The following HYLS1 variants were observed in gnomAD, a reference collection of about 807,000 sequenced individuals.
The protein encoded by HYLS1 is centriolar and ciliogenesis-associated protein HYLS1.
HYLS1 carries 25 observed loss-of-function variants against 29.4 expected under a neutral mutation model. The ratio of observed to expected loss-of-function variants is 0.85; its 90% CI spans 0.62 to 1.19. The LOEUF is 1.19. HYLS1 is among the 50% of genes most tolerant of loss of function. The probability of loss-of-function intolerance (pLI) is 0.00; values close to 1 mark genes in which losing one functional copy is unlikely to be tolerated. For synonymous variants in HYLS1, 128 were observed against 126.7 expected (o/e 1.01, Z -0.07); for missense variants, 352 against 365.1 (o/e 0.96, Z 0.29).
chr11:125,900,125 T>C lies in HYLS1; in HGVS notation c.757T>C (p.Ser253Pro). Residue 253 changes from serine to proline, a missense_variant, in exon 3 of 3, where the codon TCC (serine) becomes CCC (proline). Transcript: ENST00000425380. ...EQMLCRAEPQ[S>P]KPQHIYVPNN... The stretch of plus-strand genomic sequence containing the variant: ...GATGCTTTGTCGAGCAGAACCCCAA[T>C]CCAAACCTCAGCATATATATGTCCC... 3.7e-6 allele frequency: 6 copies of C among 1,614,172 alleles called. No homozygotes were observed. The highest frequency in any genetic ancestry group is 1.1e-5 in the South Asian group (1 of 91,080).
upstream of HYLS1, among the ~76,000 whole-genome samples, chr11:125,885,547 CTT>C (rs951127901): frequency 6.6e-6 from 1 of 152,194 alleles, no homozygotes; most frequent in African/African-American, 2.4e-5. Context: ...TCCATCTACT[CTT>C]TGGTTTCTAA....
At chr11:125,895,786 T>C in intron 2 of HYLS1, 1 of 1,596,180 alleles carries the variant, frequency 6.3e-7, no homozygotes, top group East Asian at 2.2e-5. Flanking sequence ...TCAAGTGAGA[T>C]CACCTGTGGA....
At chr11:125,885,886 T>C (rs1345249083), upstream of HYLS1, among the ~76,000 whole-genome samples, 1 of 152,032 alleles carries the variant, frequency 6.6e-6, no homozygotes, top group Non-Finnish European at 1.5e-5. Flanking sequence ...GCATGCTCCT[T>C]ATGAGAATCT....
Position 125,900,215 on chromosome 11 carries a change from C to G in HYLS1, c.847C>G (p.Leu283Val). 1 of 1,614,200 alleles carries G rather than the reference C, an allele frequency of 6.2e-7. No homozygotes were observed. The highest frequency in any genetic ancestry group is 1.1e-5 in the South Asian group (1 of 91,076). ...SALRWGVRCD[L>V]ANGVIPRKLP... ...ACTCCGTTGGGGTGTTCGTTGTGAC[C>G]TTGCAAATGGTGTCATACCCAGGAA... is the stretch of plus-strand genomic sequence containing the variant. Residue 283 changes from leucine (L) to valine (V), a missense_variant, in exon 3 of 3, where the codon CTT (leucine) becomes GTT (valine). Leu to Val is a conservative substitution (Grantham distance 32). Coordinates refer to ENST00000425380, the MANE Select transcript of HYLS1 (RefSeq NM_001134793.2).
At chr11:125,889,095 TATA>T (rs1031596917) in intron 1 of HYLS1, among the ~76,000 whole-genome samples, 1 of 152,164 alleles carries the variant, frequency 6.6e-6, no homozygotes, top group Non-Finnish European at 1.5e-5. Context: ...ATGTTACAAA[TATA>T]ATAAAGTATG....
At chr11:125,899,313 T>A in intron 2 of HYLS1, 31 bp from the exon 3 acceptor site, 1 of 1,508,580 alleles carries the variant, frequency 6.6e-7, no homozygotes, top group Non-Finnish European at 9.1e-7. Context: ...GAATTTATTA[T>A]CAGAAAACTG....
Position 125,900,086 on chromosome 11 carries a change from G to A in HYLS1, c.718G>A (p.Gly240Ser). The A allele has an allele frequency of 6.2e-7, 1 of 1,614,094 alleles. No homozygotes were observed. Among genetic ancestry groups the A allele is most frequent in the South Asian group, 1.1e-5 (1 of 91,068 alleles). Residue 240 changes from glycine to serine, a missense_variant, in exon 3 of 3, where the codon GGT becomes AGT. Transcript: ENST00000425380. ...GEDHRKELRW[G>S]VREQMLCRAE... The stretch of plus-strand genomic sequence containing the variant: ...AGATCATAGAAAGGAATTACGCTGG[G>A]GTGTCCGAGAGCAGATGCTTTGTCG...
chr11:125,887,357 T>G (rs1388847029), upstream of HYLS1: 5 of 152,096 alleles, frequency 3.3e-5, no homozygotes, highest in Non-Finnish European at 5.9e-5. Flanking sequence ...GAGGGTCTTC[T>G]CCTTCTCTTC....
upstream of HYLS1, among the ~76,000 whole-genome samples, chr11:125,886,114 T>G (rs556132207): frequency 1.1e-4 from 16 of 152,272 alleles, no homozygotes; most frequent in South Asian, 3.3e-3. Context: ...ATGGAAAAAT[T>G]GTCTTCCATG....
intron 2 of HYLS1, among the ~76,000 whole-genome samples, chr11:125,893,001 G>C (rs1944456056): frequency 6.6e-6 from 1 of 152,176 alleles, no homozygotes; most frequent in Non-Finnish European, 1.5e-5. Flanking sequence ...TTCTGACTTA[G>C]ACACATTTAA....
chr11:125,894,129 C>G (rs1944502249), intron 2 of HYLS1: 1 of 1,614,088 alleles, frequency 6.2e-7, no homozygotes, highest in East Asian at 2.2e-5. Flanking sequence ...GTGTCCAGTC[C>G]TTGTAGCATA....
At chr11:125,884,832 T>C (rs930323836), upstream of HYLS1, among the ~76,000 whole-genome samples, 6 of 152,254 alleles carry the variant, frequency 3.9e-5, no homozygotes, top group Admixed American at 3.3e-4. Flanking sequence ...TATGGTTTTT[T>C]AACATTTGTT....
At chr11:125,885,168 G>A (rs1205710640), upstream of HYLS1, among the ~76,000 whole-genome samples, 1 of 152,108 alleles carries the variant, frequency 6.6e-6, no homozygotes, top group African/African-American at 2.4e-5. Context: ...GAAACTAATT[G>A]GGGCTGCACA....
intron 1 of HYLS1, among the ~76,000 whole-genome samples, chr11:125,889,424 T>A (rs1349436525): frequency 2.6e-5 from 4 of 152,198 alleles, no homozygotes; most frequent in Non-Finnish European, 4.4e-5. Context: ...TGGTACAGTT[T>A]AAATTCTGAT....
At chr11:125,891,877 A>T (rs1944417470) in intron 2 of HYLS1, among the ~76,000 whole-genome samples, 1 of 152,178 alleles carries the variant, frequency 6.6e-6, no homozygotes, top group African/African-American at 2.4e-5. Flanking sequence ...GTTTCAGTGA[A>T]GTCTATTTCT....
At chr11:125,894,125 AGT>A in intron 2 of HYLS1, 1 of 1,614,156 alleles carries the variant, frequency 6.2e-7, no homozygotes, top group Non-Finnish European at 8.5e-7. Flanking sequence ...AACAGTGTCC[AGT>A]CCTTGTAGCA....
chr11:125,887,791 G>A (rs889872363), intron 1 of HYLS1, 26 bp downstream of exon 1: 2 of 152,430 alleles, frequency 1.3e-5, no homozygotes, highest in African/African-American at 2.4e-5. Flanking sequence ...GCCGGAAGCG[G>A]AGGGACGCGG....
At chr11:125,887,891 G>A (rs958070261) in intron 1 of HYLS1, 126 bp downstream of exon 1, 1 of 151,204 alleles carries the variant, frequency 6.6e-6, no homozygotes, top group African/African-American at 2.5e-5. Flanking sequence ...TCCCTCCGTG[G>A]ATTCCAGGTC....
At chr11:125,893,054 G>A (rs1400010484) in intron 2 of HYLS1, among the ~76,000 whole-genome samples, 2 of 152,152 alleles carry the variant, frequency 1.3e-5, no homozygotes, top group Non-Finnish European at 2.9e-5. Context: ...CACTTGTTCT[G>A]CAAGATCTAG....
Sources: allele counts gnomAD v4.1 joint callset (sites outside exome capture counted in the v4.1 genomes callset), GRCh38; gene constraint gnomAD v4.1.1; transcripts MANE v1.5; gene names NCBI Gene and HGNC (gene_info 2026-07-23, HGNC 2026-07-21).